The following AUTS2 variants were observed in gnomAD, a reference collection of about 807,000 sequenced individuals.
AUTS2 encodes activator of transcription and developmental regulator AUTS2, also known as autism susceptibility gene 2 protein.
AUTS2 carries 17 observed loss-of-function variants against 112.4 expected under a neutral mutation model. The ratio of observed to expected loss-of-function variants is 0.15; its 90% CI spans 0.10 to 0.23. The LOEUF is 0.23. Ranked by LOEUF, AUTS2 falls within the 10% of genes least tolerant of loss-of-function variation. AUTS2 has a pLI of 1.00. For missense variants in AUTS2, 1,510 were observed against 1,701.6 expected (o/e 0.89, Z 1.98); for synonymous variants, 751 against 702.7 (o/e 1.07, Z -1.09).
At chr7:69,967,504 C>T (rs939131719) in intron 2 of AUTS2, among the ~76,000 whole-genome samples, 1 of 152,070 alleles carries the variant, frequency 6.6e-6, no homozygotes, top group Non-Finnish European at 1.5e-5. Flanking sequence ...CAAGATCACA[C>T]ACAGTGTTTT....
chr7:70,117,104 G>GTTTTGTTTT (rs1562710088), intron 2 of AUTS2, among the ~76,000 whole-genome samples: 3 of 78,460 alleles, frequency 3.8e-5, no homozygotes, highest in East Asian at 3.9e-4. Flanking sequence ...GATGACTTTT[G>GTTTTGTTTT]TTTTTTTTTT....
intron 5 of AUTS2, among the ~76,000 whole-genome samples, chr7:70,667,749 G>A (rs1807419193): frequency 6.6e-6 from 1 of 152,200 alleles, no homozygotes; most frequent in Admixed American, 6.5e-5. Context: ...TTGGGCTCCT[G>A]CTTAAAATCA....
intron 5 of AUTS2, among the ~76,000 whole-genome samples, chr7:70,541,956 C>G (rs1035784362): frequency 6.6e-6 from 1 of 152,210 alleles, no homozygotes; most frequent in Non-Finnish European, 1.5e-5. Flanking sequence ...TCATCAGTGG[C>G]TGATGTGAAT....
intron 2 of AUTS2, among the ~76,000 whole-genome samples, chr7:70,011,802 T>C (rs1016979276): frequency 6.6e-6 from 1 of 152,224 alleles, no homozygotes; most frequent in African/African-American, 2.4e-5. Flanking sequence ...AGGGTGGCCA[T>C]GCGACCTTTC....
intron 1 of AUTS2, among the ~76,000 whole-genome samples, chr7:69,886,019 TG>T (rs750097937): frequency 3.9e-5 from 6 of 152,220 alleles, no homozygotes; most frequent in Non-Finnish European, 8.8e-5. Context: ...AACCCTCCAC[TG>T]AATTGATGAA....
At chr7:69,655,496 G>A (rs969222907) in intron 1 of AUTS2, among the ~76,000 whole-genome samples, 5 of 152,240 alleles carry the variant, frequency 3.3e-5, no homozygotes, top group African/African-American at 1.2e-4. Context: ...GCAGATTGGT[G>A]GGGCCCACCC....
chr7:69,929,733 C>G (rs1476474817), intron 2 of AUTS2, among the ~76,000 whole-genome samples: 1 of 152,188 alleles, frequency 6.6e-6, no homozygotes, highest in Non-Finnish European at 1.5e-5. Flanking sequence ...CTCTATTTAA[C>G]TGTTTGAACT....
chr7:69,744,010 C>T (rs1013039115), intron 1 of AUTS2, among the ~76,000 whole-genome samples: 4 of 151,996 alleles, frequency 2.6e-5, no homozygotes, highest in South Asian at 2.1e-4. Flanking sequence ...CTGTGTTTCT[C>T]AGGCTGGTTT....
At chr7:70,768,519 T>C (rs1235204971) in intron 10 of AUTS2, among the ~76,000 whole-genome samples, 1 of 152,246 alleles carries the variant, frequency 6.6e-6, no homozygotes, top group Admixed American at 6.5e-5. Flanking sequence ...TCATTTGCTC[T>C]AGACTAAATG....
chr7:70,551,318 G>C (rs1235116395), intron 5 of AUTS2, among the ~76,000 whole-genome samples: 1 of 152,116 alleles, frequency 6.6e-6, no homozygotes, highest in Non-Finnish European at 1.5e-5. Context: ...TAGTAGGGGA[G>C]GGGGAGGGGA....
intron 5 of AUTS2, among the ~76,000 whole-genome samples, chr7:70,639,579 C>G (rs541251722): frequency 3.6e-4 from 51 of 140,526 alleles, no homozygotes; most frequent in African/African-American, 1.3e-3. Context: ...ATTACACCAC[C>G]GCACTCCAGC....
intron 1 of AUTS2, among the ~76,000 whole-genome samples, chr7:69,858,746 G>A (rs995821728): frequency 7.2e-5 from 11 of 152,132 alleles, no homozygotes; most frequent in African/African-American, 2.2e-4. Flanking sequence ...AACAACTGGG[G>A]GTCAGCCCTG....
chr7:69,838,780 T>C (rs939058521), intron 1 of AUTS2, among the ~76,000 whole-genome samples: 4 of 152,188 alleles, frequency 2.6e-5, no homozygotes, highest in Non-Finnish European at 5.9e-5. Flanking sequence ...GCATTGACCA[T>C]GCATTCCCTT....
intron 5 of AUTS2, among the ~76,000 whole-genome samples, chr7:70,527,926 T>C (rs574967997): frequency 2.4e-4 from 36 of 152,278 alleles, no homozygotes; most frequent in African/African-American, 7.7e-4. Context: ...GCCTGGAGTT[T>C]AGTTTCCAGG....
chr7:70,616,613 AC>A (rs1804380692), intron 5 of AUTS2, among the ~76,000 whole-genome samples: 1 of 152,224 alleles, frequency 6.6e-6, no homozygotes, highest in Admixed American at 6.5e-5. Flanking sequence ...TGCTCTGCAC[AC>A]CATATGTGGT....
At chr7:70,377,325 A>AATAAAT (rs1793136400) in intron 4 of AUTS2, among the ~76,000 whole-genome samples, 7 of 52,086 alleles carry the variant, frequency 1.3e-4, no homozygotes, top group Non-Finnish European at 2.6e-4. Flanking sequence ...AACAAATATA[A>AATAAAT]ATATATATAT....
intron 5 of AUTS2, among the ~76,000 whole-genome samples, chr7:70,672,250 T>C (rs1008578820): frequency 5.3e-5 from 8 of 152,312 alleles, no homozygotes; most frequent in Admixed American, 5.2e-4. Context: ...GGGGAACTGG[T>C]GAGAGAGAGT....
chr7:69,729,710 G>A (rs1326258814), intron 1 of AUTS2, among the ~76,000 whole-genome samples: 1 of 151,982 alleles, frequency 6.6e-6, no homozygotes, highest in Non-Finnish European at 1.5e-5. Context: ...CCTCTGTGTA[G>A]AATAGTCACA....
intron 5 of AUTS2, among the ~76,000 whole-genome samples, chr7:70,570,372 G>A (rs1213557014): frequency 6.6e-6 from 1 of 152,068 alleles, no homozygotes; most frequent in Non-Finnish European, 1.5e-5. Context: ...CACTATATTG[G>A]ACTTGTGTAA....
Sources: allele counts gnomAD v4.1 joint callset (sites outside exome capture counted in the v4.1 genomes callset), GRCh38; gene constraint gnomAD v4.1.1; transcripts MANE v1.5; gene names NCBI Gene and HGNC (gene_info 2026-07-23, HGNC 2026-07-21).